The following BNIP2 variants were observed in gnomAD, a reference collection of about 807,000 sequenced individuals.
BNIP2 encodes BCL2 interacting protein 2.
A neutral mutation model predicts 43.4 loss-of-function variants in BNIP2; 36 were observed. That is an observed-to-expected ratio of 0.83 (90% confidence interval 0.64 to 1.10). The LOEUF (loss-of-function observed/expected upper bound fraction) is 1.10, where lower values mean the gene tolerates loss of function less well. Ranked by LOEUF, BNIP2 falls within the 50% of genes least tolerant of loss-of-function variation. The pLI is 0.00. For missense variants in BNIP2, 417 were observed against 374.1 expected, an observed-to-expected ratio of 1.11 and a Z score of -0.95; for synonymous variants, 146 against 121.0, an observed-to-expected ratio of 1.21 and a Z score of -1.35.
At chr15:59,674,626 A>G (rs1233498006) in intron 5 of BNIP2, among the ~76,000 whole-genome samples, 5 of 152,218 alleles carry the variant, frequency 3.3e-5, no homozygotes, top group African/African-American at 1.2e-4. Flanking sequence ...TGCATCTGGC[A>G]GAGAGTAAAT....
intron 9 of BNIP2, chr15:59,665,523 T>A (rs1337082529): frequency 6.6e-6 from 1 of 152,166 alleles, no homozygotes; most frequent in African/African-American, 2.4e-5. Flanking sequence ...GGTGGAAGGA[T>A]TGCTTGAGCC....
chr15:59,666,581 C>T (rs1892582344), intron 9 of BNIP2, among the ~76,000 whole-genome samples: 2 of 152,044 alleles, frequency 1.3e-5, no homozygotes, highest in South Asian at 2.1e-4. Flanking sequence ...GCAGCAGAAT[C>T]GCTTGAACCC....
At chr15:59,676,913 T>C in intron 5 of BNIP2, 1 of 1,605,320 alleles carries the variant, frequency 6.2e-7, no homozygotes, top group Non-Finnish European at 8.5e-7. Context: ...GCTGGCAGCC[T>C]ACGGACTCTT....
chr15:59,675,384 G>C (rs1893213178), intron 5 of BNIP2, among the ~76,000 whole-genome samples: 1 of 152,084 alleles, frequency 6.6e-6, no homozygotes, highest in Non-Finnish European at 1.5e-5. Context: ...GCTGGGGTGA[G>C]CAAATCACGA....
At chr15:59,685,850 C>G (rs1893981235) in intron 1 of BNIP2, among the ~76,000 whole-genome samples, 1 of 152,100 alleles carries the variant, frequency 6.6e-6, no homozygotes, top group South Asian at 2.1e-4. Context: ...AGGAAACAAA[C>G]AAGAAAGGAG....
chr15:59,682,621 G>T, intron 1 of BNIP2, 107 bp from the exon 2 acceptor site: 1 of 815,142 alleles, frequency 1.2e-6, no homozygotes, highest in Non-Finnish European at 1.8e-6. Context: ...TAGTACAATG[G>T]TCTGGTCATG....
In BNIP2 at chr15:59,659,525, GT is replaced by G. The variant is rs1892140859; in HGVS notation, c.*4543del. 6.6e-6 allele frequency: 1 copy of G among 152,234 alleles called. No homozygotes were observed. The highest frequency in any genetic ancestry group is 2.1e-4 in the South Asian group (1 of 4,834). 9.4% of individuals were successfully genotyped at this position (152,234 alleles called of 1,614,324 possible). Reference sequence around the variant, plus strand: ...GAATAGTGCTCCAAGGGCTGTGCAAGTCAGTGGCCCTGAACATCATCAATAT... The same window carrying G: ...GAATAGTGCTCCAAGGGCTGTGCAAGCAGTGGCCCTGAACATCATCAATAT... On this transcript the variant is annotated 3_prime_UTR_variant, in exon 10 of 10. Coordinates refer to ENST00000607373, the MANE Select transcript of BNIP2 (RefSeq NM_004330.4).
chr15:59,669,425 G>A (rs1322994048), intron 7 of BNIP2, 63 bp from the exon 8 acceptor site: 3 of 1,158,380 alleles, frequency 2.6e-6, no homozygotes, highest in African/African-American at 3.2e-5. Context: ...AAATTCTAAT[G>A]CTGCAAGTTT....
intron 2 of BNIP2, among the ~76,000 whole-genome samples, chr15:59,681,103 G>C (rs1390491281): frequency 6.6e-6 from 1 of 152,144 alleles, no homozygotes; most frequent in Non-Finnish European, 1.5e-5. Flanking sequence ...TTACTCACGA[G>C]ACTACAGTAA....
At position 59,663,732 on chromosome 15, in the gene BNIP2, TTG is replaced by T. The variant is rs1301420309; in HGVS notation, c.*335_*336del. The T allele has an allele frequency of 3.4e-5, 6 of 178,256 alleles. No homozygotes were observed. The highest frequency in any genetic ancestry group is 7.0e-5 in the Non-Finnish European group (6 of 85,612). 11.0% of individuals were successfully genotyped at this position (178,256 alleles called of 1,614,324 possible). A position where few individuals can be genotyped will look rare whatever the true frequency, so the allele number is the denominator to read the frequency against. ...TAAAAATATATATTATTTCTTTCCT[TTG>T]CCATTTATGCATATAAATATTTCAC... On this transcript the variant is annotated 3_prime_UTR_variant, in exon 10 of 10. Transcript: ENST00000607373.
chr15:59,668,637 A>C lies in BNIP2; in HGVS notation c.893+255T>G. On this transcript the variant is annotated intron_variant, in intron 9 of 9. Transcript: ENST00000607373. ...TCTCTTAGATTATAAGTAGTCTATA[A>C]AAGTATAACATGAATCACAACCGGA... 3 of 386,850 alleles carry C rather than the reference A, an allele frequency of 7.8e-6. No individual in the cohort carries two copies. The South Asian group carries it at 1.3e-4, about 17-fold the overall frequency. 24.0% of individuals were successfully genotyped at this position (386,850 alleles called of 1,614,324 possible).
In BNIP2 at chr15:59,671,247, T is replaced by C; in HGVS notation, c.643A>G (p.Thr215Ala). The change falls in exon 7 of 10, where the codon ACA becomes GCA. Residue 215 changes from threonine to alanine, a missense_variant. Transcript: ENST00000607373. ...NYMIVYLNGA[T>A]TRRKMPSLGW... The stretch of plus-strand genomic sequence containing the variant: ...AGACTGGGCATTTTTCTTCGAGTTG[T>C]TGCACCATTTAAATAAACTATCATG... 4.4e-6 allele frequency: 7 copies of C among 1,600,702 alleles called. No homozygotes were observed. Among genetic ancestry groups the C allele is most frequent in the Admixed American group, 1.7e-5 (1 of 57,910 alleles).
Position 59,671,182 on chromosome 15 carries a change from C to A in BNIP2, c.707+1G>T. On this transcript the variant is annotated splice_donor_variant, in intron 7 of 9. Coordinates refer to ENST00000607373, the MANE Select transcript of BNIP2 (RefSeq NM_004330.4). LOFTEE classifies it high-confidence loss of function. ...TAGCTTTCAACTTGTATTTGTATTA[C>A]CTTCTATCAATTTGCTGATAACATT... 1 of 1,590,806 alleles carries A rather than the reference C, an allele frequency of 6.3e-7. No homozygotes were observed.
At position 59,668,905 on chromosome 15, in the gene BNIP2, C is replaced by G. The variant is rs1281499052; in HGVS notation, c.880G>C (p.Glu294Gln). Residue 294 changes from glutamate to glutamine, a missense_variant, in exon 9 of 10, where the codon GAA becomes CAA. Glu to Gln is a conservative substitution (Grantham distance 29). Coordinates refer to ENST00000607373, the MANE Select transcript of BNIP2 (RefSeq NM_004330.4). ...LVPMEYVGIPECIKQVDQELN... is the reference protein window; with the variant it reads ...LVPMEYVGIPQCIKQVDQELN... Reference sequence around the variant, plus strand: ...AACAAAACATACTGTTTTATGCATTCTGGTATGCCAACGTATTCCATGGGG... The same window carrying G: ...AACAAAACATACTGTTTTATGCATTGTGGTATGCCAACGTATTCCATGGGG... The G allele has an allele frequency of 4.3e-6, 7 of 1,613,190 alleles. No homozygotes were observed. The highest frequency in any genetic ancestry group is 5.9e-6 in the Non-Finnish European group (7 of 1,179,372).
intron 2 of BNIP2, among the ~76,000 whole-genome samples, chr15:59,682,146 G>A (rs1348523704): frequency 6.6e-6 from 1 of 152,020 alleles, no homozygotes; most frequent in Non-Finnish European, 1.5e-5. Flanking sequence ...GGCCAATATG[G>A]TGAAACACCG....
chr15:59,684,177 C>A (rs1893871574), intron 1 of BNIP2, among the ~76,000 whole-genome samples: 1 of 152,192 alleles, frequency 6.6e-6, no homozygotes, highest in Admixed American at 6.5e-5. Context: ...TGAATTTTTA[C>A]TTACCCTCAA....
chr15:59,663,910 G>T lies in BNIP2; in HGVS notation c.*159C>A, dbSNP rs1892410300. ...GAAATTTGCAAACCAGTACAGCAGT[G>T]AACAGTCCCTTGTATAATACAAAAG... On this transcript the variant is annotated 3_prime_UTR_variant, in exon 10 of 10. Coordinates refer to ENST00000607373, the MANE Select transcript of BNIP2 (RefSeq NM_004330.4). 1.9e-6 allele frequency: 1 copy of T among 523,564 alleles called. No individual in the cohort carries two copies. The highest frequency in any genetic ancestry group is 3.2e-6 in the Non-Finnish European group (1 of 308,552). 32.4% of individuals were successfully genotyped at this position (523,564 alleles called of 1,614,324 possible).
intron 4 of BNIP2, chr15:59,678,674 ATG>A (rs1283345108): frequency 5.5e-5 from 66 of 1,192,950 alleles, no homozygotes; most frequent in Admixed American, 3.7e-5. Context: ...AGTGTAATTT[ATG>A]TTTTGAGATT....
intron 9 of BNIP2, among the ~76,000 whole-genome samples, chr15:59,668,408 G>A (rs767996366): frequency 3.2e-4 from 49 of 152,156 alleles, no homozygotes; most frequent in Non-Finnish European, 6.0e-4. Flanking sequence ...AGTCCAAGAA[G>A]TTACATGGAA....
Sources: gnomAD v4.1 joint callset for allele counts (sites outside exome capture counted in the v4.1 genomes callset) on GRCh38, gnomAD v4.1.1 for gene constraint, MANE v1.5 for transcripts, NCBI Gene and HGNC (gene_info 2026-07-23, HGNC 2026-07-21) for gene names.